The following SLC38A7 variants were observed in gnomAD, a reference collection of about 807,000 sequenced individuals.
SLC38A7 encodes the protein sodium-coupled neutral amino acid transporter 7.
SLC38A7 carries 29 observed loss-of-function variants against 50.1 expected under a neutral mutation model. The ratio of observed to expected loss-of-function variants is 0.58; its 90% CI spans 0.43 to 0.79. The LOEUF (loss-of-function observed/expected upper bound fraction) is 0.79, where lower values mean the gene tolerates loss of function less well. Among genes scored for constraint, SLC38A7 ranks in the 30% least tolerant of loss-of-function variants. SLC38A7 has a pLI of 0.00. For synonymous variants in SLC38A7, 244 were observed against 245.9 expected (o/e 0.99, Z 0.07); for missense variants, 483 against 610.6 (o/e 0.79, Z 2.20).
intron 2 of SLC38A7, among the ~76,000 whole-genome samples, chr16:58,680,742 C>T (rs765696166): frequency 3.3e-5 from 5 of 152,210 alleles, no homozygotes; most frequent in Middle Eastern, 3.2e-3. Context: ...CAGTCCAGCA[C>T]GCCTCCCGGT....
intron 7 of SLC38A7, 79 bp downstream of exon 7, chr16:58,676,209 GT>G: frequency 6.3e-7 from 1 of 1,599,770 alleles, no homozygotes; most frequent in East Asian, 2.2e-5. Context: ...TTCTGCCTGG[GT>G]TCCTCCTCCT....
chr16:58,678,668 T>C lies in SLC38A7; in HGVS notation c.469+28A>G, dbSNP rs914346001. On this transcript the variant is annotated intron_variant, in intron 4 of 11. Transcript: ENST00000219320. This position sits in a 1 kb window ranked among gnomAD's most constrained non-coding sequence, Gnocchi z 4.0. ...GATCCCTGGGGCTGATAAGAAGAGA[T>C]GGGGTAGGGACTGAGGGAGAAGCTC... 2 of 1,610,848 alleles carry C rather than the reference T, an allele frequency of 1.2e-6. No individual in the cohort carries two copies. Among genetic ancestry groups the C allele is most frequent in the Admixed American group, 1.7e-5 (1 of 59,598 alleles).
chr16:58,684,335 C>A (rs1320922786), intron 1 of SLC38A7, 157 bp from the exon 2 acceptor site: 2 of 152,410 alleles, frequency 1.3e-5, no homozygotes, highest in Non-Finnish European at 2.9e-5. Context: ...CCAGTCCAGC[C>A]TGGGGTTGGA....
At chr16:58,669,500 T>C (rs2044116738) in intron 11 of SLC38A7, among the ~76,000 whole-genome samples, 1 of 152,102 alleles carries the variant, frequency 6.6e-6, no homozygotes, top group African/African-American at 2.4e-5. Flanking sequence ...CGCACACATG[T>C]ACAGAAGTGG....
chr16:58,673,056 T>C (rs989958509), intron 8 of SLC38A7, among the ~76,000 whole-genome samples: 35 of 148,156 alleles, frequency 2.4e-4, no homozygotes, highest in African/African-American at 8.7e-4. Flanking sequence ...GCCTCCTGAG[T>C]AGCTGGGATT....
At chr16:58,672,382 G>T in intron 8 of SLC38A7, 139 bp from the exon 9 acceptor site, 1 of 917,462 alleles carries the variant, frequency 1.1e-6, no homozygotes. Flanking sequence ...AGTGGGAGAT[G>T]GGGCTCCGAT....
chr16:58,680,030 T>G lies in SLC38A7; in HGVS notation c.97A>C (p.Thr33Pro), dbSNP rs1486679554. The change falls in exon 3 of 12, where the codon ACA (threonine) becomes CCA (proline). Residue 33 changes from threonine to proline, a missense_variant. Transcript: ENST00000219320. ...ARLLQSPCVDTAPKSEWEASP... is the reference protein window; with the variant it reads ...ARLLQSPCVDPAPKSEWEASP... The stretch of plus-strand genomic sequence containing the variant: ...GCTTCCCACTCACTCTTGGGGGCTG[T>G]GTCCACACAGGGACTCTGCAGCAGC... 1 of 1,609,064 alleles carries G rather than the reference T, an allele frequency of 6.2e-7. No homozygotes were observed. The highest frequency in any genetic ancestry group is 8.5e-7 in the Non-Finnish European group (1 of 1,177,256).
chr16:58,682,538 C>T (rs71389034), intron 2 of SLC38A7, among the ~76,000 whole-genome samples: 16,960 of 152,140 alleles, frequency 0.11, 997 homozygotes, highest in Non-Finnish European at 0.13. Flanking sequence ...GAGCTCACTG[C>T]AGCCTCAATC....
rs909269902 is a variant in SLC38A7 at position 58,672,249 on chromosome 16, G to C, written c.884-6C>G. 6.3e-7 allele frequency: 1 copy of C among 1,577,940 alleles called. No individual in the cohort carries two copies. Among genetic ancestry groups the C allele is most frequent in the Non-Finnish European group, 8.6e-7 (1 of 1,161,622 alleles). ...GGTCAGGAAGCCACAGATGCCTGTG[G>C]GCAGGGACAACTGGGTCAGGGCAAC... is the stretch of plus-strand genomic sequence containing the variant. On this transcript the variant is annotated splice_polypyrimidine_tract_variant and splice_region_variant and intron_variant, in intron 8 of 11. Coordinates refer to ENST00000219320, the MANE Select transcript of SLC38A7 (RefSeq NM_018231.3).
In SLC38A7 at chr16:58,678,561, G is replaced by A; in HGVS notation, c.470-87C>T. The A allele has an allele frequency of 6.5e-7, 1 of 1,542,012 alleles. No individual in the cohort carries two copies. The highest frequency in any genetic ancestry group is 8.8e-7 in the Non-Finnish European group (1 of 1,133,170). On this transcript the variant is annotated intron_variant, in intron 4 of 11. Transcript: ENST00000219320. The surrounding 1 kb of genome is among the most constrained non-coding windows in gnomAD (Gnocchi z 4.0). ...CTGCTGGGCCCCAGGACCTCCCTCT[G>A]CCTGGAGGGAGGATTCCCAGATGAA...
intron 9 of SLC38A7, 31 bp from the exon 10 acceptor site, chr16:58,671,275 C>T (rs766242339): frequency 6.2e-7 from 1 of 1,601,740 alleles, no homozygotes; most frequent in South Asian, 1.1e-5. Context: ...TTAGAGGTGC[C>T]CCTGCTGCTA....
At chr16:58,673,674 T>C (rs989909830) in intron 8 of SLC38A7, among the ~76,000 whole-genome samples, 1 of 146,862 alleles carries the variant, frequency 6.8e-6, no homozygotes, top group Non-Finnish European at 1.5e-5. Flanking sequence ...GTTTTTTTTT[T>C]TTTTTTTAAA....
chr16:58,669,403 A>G (rs2044114872), intron 11 of SLC38A7, among the ~76,000 whole-genome samples: 1 of 151,892 alleles, frequency 6.6e-6, no homozygotes, highest in South Asian at 2.1e-4. Context: ...GCATGAGCCA[A>G]TGCACCTGGC....
rs770597846 is a variant in SLC38A7 at position 58,676,331 on chromosome 16, C to T, written c.726G>A (p.Met242Ile). Residue 242 changes from methionine to isoleucine, a missense_variant, in exon 7 of 12, where the codon ATG (methionine) becomes ATA (isoleucine). Physicochemically the swap from Met to Ile is conservative, Grantham distance 10. Coordinates refer to ENST00000219320, the MANE Select transcript of SLC38A7 (RefSeq NM_018231.3). ...GNILTRPASW[M>I]AVFNAMPTIC... ...TGGTGGGCATGGCATTGAACACAGC[C>T]ATCCAGGAAGCCGGCCTGTGAACAA... is the stretch of plus-strand genomic sequence containing the variant. 12 of 1,614,158 alleles carry T rather than the reference C, an allele frequency of 7.4e-6. No individual in the cohort carries two copies. In the South Asian group the frequency reaches 1.2e-4, roughly 16 times the overall value.
chr16:58,678,256 G>A lies in SLC38A7; in HGVS notation c.611+77C>T, dbSNP rs2044310713. ...CAAGGTGAGGTGGCATGGAGGAGCA[G>A]GGTTCCCCAGGAGCCCTTGGGTCTA... On this transcript the variant is annotated intron_variant, in intron 5 of 11. Coordinates refer to ENST00000219320, the MANE Select transcript of SLC38A7 (RefSeq NM_018231.3). This position sits in a 1 kb window ranked among gnomAD's most constrained non-coding sequence, Gnocchi z 4.0. The A allele has an allele frequency of 7.0e-7, 1 of 1,436,610 alleles. No homozygotes were observed. The highest frequency in any genetic ancestry group is 1.4e-5 in the African/African-American group (1 of 70,176). 89.0% of individuals were successfully genotyped at this position (1,436,610 alleles called of 1,614,324 possible).
At position 58,667,510 on chromosome 16, in the gene SLC38A7, G is replaced by C. The variant is rs368535795; in HGVS notation, c.1287-23C>G. 1.4e-4 allele frequency: 215 copies of C among 1,558,436 alleles called. 1 individual carries two copies. Among genetic ancestry groups the C allele is most frequent in the Non-Finnish European group, 1.8e-4 (205 of 1,147,292 alleles). ...CAGCTGTAGAACAGAGGGTGAGAGA[G>C]GTCTGATCAGTCATCCCATCCCATG... On this transcript the variant is annotated intron_variant, in intron 11 of 11. Transcript: ENST00000219320.
intron 11 of SLC38A7, among the ~76,000 whole-genome samples, chr16:58,668,697 G>A (rs142533519): frequency 0.037 from 3,985 of 109,062 alleles, 249 homozygotes; most frequent in African/African-American, 0.14. Context: ...CCTGGGCAAC[G>A]AGTGAAACTC....
chr16:58,673,651 C>G (rs1164179875), intron 8 of SLC38A7, among the ~76,000 whole-genome samples: 4 of 149,380 alleles, frequency 2.7e-5, no homozygotes. Flanking sequence ...GGCGTGAGCC[C>G]CAGTGCCTGG....
At chr16:58,668,540 A>G (rs967689415) in intron 11 of SLC38A7, among the ~76,000 whole-genome samples, 1 of 151,622 alleles carries the variant, frequency 6.6e-6, no homozygotes, top group Admixed American at 6.6e-5. Context: ...CCATCTCAAA[A>G]CAACAACAAC....
Sources: gnomAD v4.1 joint callset for allele counts (sites outside exome capture counted in the v4.1 genomes callset) on GRCh38, gnomAD v4.1.1 for gene constraint, Gnocchi (gnomAD v3.1) non-coding constraint, MANE v1.5 for transcripts, NCBI Gene and HGNC (gene_info 2026-07-23, HGNC 2026-07-21) for gene names.